The following CALN1 variants were observed in gnomAD, a reference collection of about 807,000 sequenced individuals.
The protein encoded by CALN1 is calneuron 1.
A neutral mutation model predicts 30.6 loss-of-function variants in CALN1; 17 were observed. The observed-to-expected ratio is 0.56, with a 90% confidence interval of 0.38 to 0.83. The LOEUF is 0.83. Among genes scored for constraint, CALN1 ranks in the 40% least tolerant of loss-of-function variants. CALN1 has a pLI of 0.00. For synonymous variants in CALN1, 156 were observed against 131.4 expected (o/e 1.19, Z -1.28); for missense variants, 291 against 354.9 (o/e 0.82, Z 1.45).
At chr7:72,064,395 A>G (rs1803878716) in intron 4 of CALN1, among the ~76,000 whole-genome samples, 1 of 152,162 alleles carries the variant, frequency 6.6e-6, no homozygotes, top group Non-Finnish European at 1.5e-5. Context: ...CTGAGGAGAA[A>G]ATTACTCAAA....
At chr7:72,467,268 T>G in the CALN1 span, among the ~76,000 whole-genome samples, 3 of 152,162 alleles carry the variant, frequency 2.0e-5, no homozygotes, top group South Asian at 6.2e-4. Flanking sequence ...TCCCCAATCC[T>G]GCTGGTGGGG....
At chr7:72,110,613 T>C (rs890644642) in intron 3 of CALN1, among the ~76,000 whole-genome samples, 2 of 151,538 alleles carry the variant, frequency 1.3e-5, no homozygotes, top group Non-Finnish European at 2.9e-5. Context: ...TCTATGTGAG[T>C]GTGTGTGTCT....
intron 1 of CALN1, among the ~76,000 whole-genome samples, chr7:72,435,426 G>A (rs1200816223): frequency 1.3e-5 from 2 of 152,160 alleles, no homozygotes; most frequent in Non-Finnish European, 2.9e-5. Context: ...GAGTAACTGT[G>A]CCTCCTAAGT....
intron 2 of CALN1, among the ~76,000 whole-genome samples, chr7:72,379,738 T>A (rs796782316): frequency 2.8e-4 from 42 of 152,362 alleles, no homozygotes; most frequent in African/African-American, 1.0e-3. Flanking sequence ...ATTTCAGTCA[T>A]GTTTTAGCAT....
At chr7:72,278,507 A>ACACACACG (rs1273436018) in intron 3 of CALN1, among the ~76,000 whole-genome samples, 179 bp downstream of exon 3, 4 of 151,296 alleles carry the variant, frequency 2.6e-5, no homozygotes, top group African/African-American at 9.8e-5. Flanking sequence ...ACACACACAC[A>ACACACACG]CACACACGTC....
At chr7:71,906,103 G>A (rs183736656) in intron 5 of CALN1, among the ~76,000 whole-genome samples, 1 of 152,152 alleles carries the variant, frequency 6.6e-6, no homozygotes, top group Admixed American at 6.5e-5. Flanking sequence ...TCAATATCTG[G>A]GGATTACAAT....
chr7:72,311,144 A>G (rs996574210), intron 2 of CALN1, among the ~76,000 whole-genome samples: 2 of 152,194 alleles, frequency 1.3e-5, no homozygotes, highest in African/African-American at 4.8e-5. Flanking sequence ...TACTCAACGC[A>G]AAGATGATGA....
At chr7:72,079,134 T>C (rs1380071386) in intron 4 of CALN1, among the ~76,000 whole-genome samples, 1 of 152,148 alleles carries the variant, frequency 6.6e-6, no homozygotes, top group Non-Finnish European at 1.5e-5. Flanking sequence ...TCTTCAAGGA[T>C]GCAAAGCTCA....
intron 3 of CALN1, among the ~76,000 whole-genome samples, chr7:72,154,894 ATTT>A (rs55768005): frequency 4.0e-5 from 6 of 148,802 alleles, no homozygotes; most frequent in Non-Finnish European, 7.4e-5. Flanking sequence ...TGTCTCTACA[ATTT>A]TTTTTTTTAA....
At chr7:71,868,924 C>T (rs752692996) in intron 5 of CALN1, among the ~76,000 whole-genome samples, 9 of 152,168 alleles carry the variant, frequency 5.9e-5, no homozygotes, top group Non-Finnish European at 1.3e-4. Flanking sequence ...GAAATATACG[C>T]TGACTCCAGG....
chr7:71,973,753 G>A (rs956731031), intron 5 of CALN1, among the ~76,000 whole-genome samples: 3 of 152,082 alleles, frequency 2.0e-5, no homozygotes, highest in African/African-American at 7.2e-5. Flanking sequence ...CACTGAAAAT[G>A]AGCTCCCTTG....
intron 2 of CALN1, among the ~76,000 whole-genome samples, chr7:72,396,829 G>A (rs1189341945): frequency 2.0e-5 from 3 of 152,166 alleles, no homozygotes; most frequent in Admixed American, 6.5e-5. Flanking sequence ...TGAGAACTTC[G>A]TTGAGGTTGA....
the CALN1 span, among the ~76,000 whole-genome samples, chr7:72,457,136 G>A: frequency 6.6e-6 from 1 of 151,398 alleles, no homozygotes; most frequent in East Asian, 2.0e-4. Context: ...AGCCTCCTGA[G>A]TAGCTGGGAT....
At chr7:71,848,578 A>G (rs1372138128) in intron 5 of CALN1, among the ~76,000 whole-genome samples, 2 of 152,146 alleles carry the variant, frequency 1.3e-5, no homozygotes, top group Non-Finnish European at 2.9e-5. Flanking sequence ...TTACAGAAAA[A>G]AAGCTTAAAA....
At chr7:72,224,854 C>T (rs766280074) in intron 3 of CALN1, among the ~76,000 whole-genome samples, 15 of 151,730 alleles carry the variant, frequency 9.9e-5, no homozygotes, top group African/African-American at 1.7e-4. Flanking sequence ...TTTGGGAAGT[C>T]GAGGCAGGTG....
chr7:71,944,542 C>T (rs1396651371), intron 5 of CALN1, among the ~76,000 whole-genome samples: 13 of 126,536 alleles, frequency 1.0e-4, no homozygotes, highest in African/African-American at 3.4e-4. Context: ...TGCAGTGAGC[C>T]GAAATCGTGC....
chr7:72,418,561 C>A (rs1430980556), intron 1 of CALN1, among the ~76,000 whole-genome samples: 2 of 152,178 alleles, frequency 1.3e-5, no homozygotes, highest in African/African-American at 2.4e-5. Context: ...ACCACAGTAT[C>A]CCCAGTACCT....
intron 3 of CALN1, among the ~76,000 whole-genome samples, chr7:72,243,117 G>A (rs1384487593): frequency 6.6e-6 from 1 of 152,166 alleles, no homozygotes; most frequent in Non-Finnish European, 1.5e-5. Flanking sequence ...TTGGAAGTGG[G>A]ACCTCTGAGA....
At chr7:72,263,577 G>T (rs1390306022) in intron 3 of CALN1, among the ~76,000 whole-genome samples, 1 of 151,700 alleles carries the variant, frequency 6.6e-6, no homozygotes, top group Non-Finnish European at 1.5e-5. Flanking sequence ...TTAATTTTTT[G>T]TACAGGCTGG....
Sources: allele counts gnomAD v4.1 joint callset (sites outside exome capture counted in the v4.1 genomes callset), GRCh38; gene constraint gnomAD v4.1.1; transcripts MANE v1.5; gene names NCBI Gene and HGNC (gene_info 2026-07-23, HGNC 2026-07-21).